The following ZNF432 variants were observed in gnomAD, a reference collection of about 807,000 sequenced individuals.
ZNF432 encodes the protein zinc finger protein 432.
In ZNF432, 10 loss-of-function variants were observed where a neutral mutation model predicts 13.9. The observed-to-expected ratio is 0.72, with a 90% confidence interval of 0.44 to 1.22. The LOEUF (loss-of-function observed/expected upper bound fraction) is 1.22, where lower values mean the gene tolerates loss of function less well. Ranked by LOEUF, ZNF432 falls within the 50% of genes most tolerant of loss-of-function variation. The pLI, the probability that ZNF432 is intolerant of heterozygous loss-of-function variation, is 0.00. For missense variants in ZNF432, 793 were observed against 796.2 expected, an observed-to-expected ratio of 1.00 and a Z score of 0.05; for synonymous variants, 247 against 256.2, an observed-to-expected ratio of 0.96 and a Z score of 0.34.
chr19:52,043,847 TTGTC>T (rs2087157697), intron 2 of ZNF432, among the ~76,000 whole-genome samples: 1 of 152,196 alleles, frequency 6.6e-6, no homozygotes, highest in Admixed American at 6.5e-5. Flanking sequence ...GTTCACGTGT[TTGTC>T]TGCTGACCCT....
intron 4 of ZNF432, 102 bp downstream of exon 4, chr19:52,040,386 C>T: frequency 9.8e-7 from 1 of 1,022,828 alleles, no homozygotes; most frequent in Non-Finnish European, 1.5e-6. Flanking sequence ...GAAAACGATT[C>T]CCATTCCTAA....
At position 52,034,848 on chromosome 19, in the gene ZNF432, A is replaced by G. The variant is rs571333107; in HGVS notation, c.831T>C (p.Ile277=). ...GKVFTMKSRL[I]EHQRTHTGEK... is the part of the protein sequence containing the mutation. The stretch of plus-strand genomic sequence containing the variant: ...CTCCAGTATGAGTTCGCTGATGTTC[A>G]ATCAGACGGCTCTTCATAGTGAAGA... Residue 277 remains isoleucine, a synonymous_variant, in exon 5 of 5, where the codon ATT becomes ATC. Transcript: ENST00000221315. The G allele has an allele frequency of 1.1e-5, 17 of 1,613,728 alleles. No homozygotes were observed. In the African/African-American group the frequency reaches 2.1e-4, roughly 20 times the overall value.
At chr19:52,036,445 A>G (rs1233833893) in intron 4 of ZNF432, among the ~76,000 whole-genome samples, 1 of 152,260 alleles carries the variant, frequency 6.6e-6, no homozygotes, top group Non-Finnish European at 1.5e-5. Context: ...GTGAGGGCTC[A>G]AAGATTACTA....
intron 2 of ZNF432, among the ~76,000 whole-genome samples, chr19:52,042,200 A>G (rs983535047): frequency 6.6e-6 from 1 of 152,206 alleles, no homozygotes; most frequent in Non-Finnish European, 1.5e-5. Flanking sequence ...CTATTAACAG[A>G]AAGGTTATAT....
In ZNF432 at chr19:52,034,305, T is replaced by C. The variant is rs201790893; in HGVS notation, c.1374A>G (p.Thr458=). Residue 458 remains threonine, a synonymous_variant, in exon 5 of 5, where the codon ACA becomes ACG. Coordinates refer to ENST00000221315, the MANE Select transcript of ZNF432 (RefSeq NM_014650.4). ...GGAAGCCTTTCCCACATTCACTGCA[T>C]GTGTAGGGCTTCTCTCCTGTATGAG... ...QRTHTGEKPY[T]CSECGKGFPL... is the part of the protein sequence containing the mutation. 14 of 1,609,304 alleles carry C rather than the reference T, an allele frequency of 8.7e-6. No individual in the cohort carries two copies. Among genetic ancestry groups the C allele is most frequent in the Admixed American group, 6.7e-5 (4 of 59,694 alleles).
chr19:52,039,470 C>T (rs76886341), intron 4 of ZNF432, among the ~76,000 whole-genome samples: 17 of 151,920 alleles, frequency 1.1e-4, no homozygotes, highest in Admixed American at 2.0e-4. Flanking sequence ...TGAAAGAAGC[C>T]GGACACAAAA....
At chr19:52,042,323 C>T (rs1230443785) in intron 2 of ZNF432, among the ~76,000 whole-genome samples, 7 of 151,830 alleles carry the variant, frequency 4.6e-5, no homozygotes, top group African/African-American at 1.5e-4. Context: ...CTGAGGCAGG[C>T]GGATAGCTTG....
At chr19:52,043,640 C>A (rs2087155495) in intron 2 of ZNF432, among the ~76,000 whole-genome samples, 3 of 152,098 alleles carry the variant, frequency 2.0e-5, no homozygotes, top group African/African-American at 7.2e-5. Flanking sequence ...TCCTGCCCGT[C>A]CCTGGGCAAT....
rs2087050353 is a variant in ZNF432 at position 52,034,408 on chromosome 19, G to C, written c.1271C>G (p.Thr424Arg). 3 of 1,613,748 alleles carry C rather than the reference G, an allele frequency of 1.9e-6. No homozygotes were observed. Among genetic ancestry groups the C allele is most frequent in the Non-Finnish European group, 2.5e-6 (3 of 1,179,972 alleles). Residue 424 changes from threonine to arginine, a missense_variant, in exon 5 of 5, where the codon ACA (threonine) becomes AGA (arginine). Physicochemically the swap from Thr to Arg is moderately conservative, Grantham distance 71 (BLOSUM62 -1). Transcript: ENST00000221315. Reference protein sequence around the residue: ...SNLIVHQRNHTVEKSYLCSEC... With the variant: ...SNLIVHQRNHRVEKSYLCSEC... ...ACTACATAGATATGACTTCTCTACT[G>C]TATGATTTCTCTGATGTACAATAAG...
intron 1 of ZNF432, among the ~76,000 whole-genome samples, chr19:52,048,178 C>CAAAAAAAAAAA (rs1446041557): frequency 6.9e-6 from 1 of 143,930 alleles, no homozygotes; most frequent in African/African-American, 2.8e-5. Flanking sequence ...CACACACACA[C>CAAAAAAAAAAA]ACACAAAACC....
intron 2 of ZNF432, 29 bp from the exon 3 acceptor site, chr19:52,041,635 G>A (rs375497926): frequency 3.7e-5 from 59 of 1,613,644 alleles, no homozygotes; most frequent in Non-Finnish European, 4.7e-5. Flanking sequence ...TTGCTTAATA[G>A]GAAGTGTTTC....
Position 52,034,256 on chromosome 19 carries a change from G to GTACA in ZNF432, c.1419_1422dup (p.His475CysfsTer16), listed in dbSNP as rs780084067. ...TTCTCTCCAGTATGAGTTCGCTGAT[G>GTACA]TACAATCAGCCGACTCTTCAAGGGG... On this transcript the variant is annotated frameshift_variant, in exon 5 of 5. Transcript: ENST00000221315. LOFTEE classifies it low-confidence loss of function (END_TRUNC). 5 of 1,614,134 alleles carry GTACA rather than the reference G, an allele frequency of 3.1e-6. No homozygotes were observed. The highest frequency in any genetic ancestry group is 4.2e-6 in the Non-Finnish European group (5 of 1,180,000).
chr19:52,048,182 C>CAAAAAAAA (rs910956223), intron 1 of ZNF432, among the ~76,000 whole-genome samples: 7 of 146,216 alleles, frequency 4.8e-5, no homozygotes, highest in African/African-American at 1.8e-4. Context: ...CACACACACA[C>CAAAAAAAA]AAAACCAGCC....
At chr19:52,044,351 G>A (rs191134745) in intron 2 of ZNF432, among the ~76,000 whole-genome samples, 4 of 150,816 alleles carry the variant, frequency 2.7e-5, no homozygotes, top group Admixed American at 1.3e-4. Context: ...AAGCAAATAC[G>A]AAATATATTC....
Position 52,034,219 on chromosome 19 carries a change from C to A in ZNF432, c.1460G>T (p.Cys487Phe). The A allele has an allele frequency of 6.2e-7, 1 of 1,614,154 alleles. No individual in the cohort carries two copies. The highest frequency in any genetic ancestry group is 8.5e-7 in the Non-Finnish European group (1 of 1,180,006). ...RTHTGEKPYR[C>F]SECGKGFIVN... is the part of the protein sequence containing the mutation. Reference sequence around the variant, plus strand: ...AATGAAACCTTTCCCACATTCACTGCACCTGTAAGGTTTCTCTCCAGTATG... The same window carrying A: ...AATGAAACCTTTCCCACATTCACTGAACCTGTAAGGTTTCTCTCCAGTATG... Residue 487 changes from cysteine to phenylalanine, a missense_variant, in exon 5 of 5, where the codon TGC (cysteine) becomes TTC (phenylalanine). Coordinates refer to ENST00000221315, the MANE Select transcript of ZNF432 (RefSeq NM_014650.4).
At chr19:52,036,324 A>C (rs2087080343) in intron 4 of ZNF432, among the ~76,000 whole-genome samples, 1 of 152,240 alleles carries the variant, frequency 6.6e-6, no homozygotes, top group Non-Finnish European at 1.5e-5. Flanking sequence ...GGTGATGTTA[A>C]GTGTGGTTTG....
At position 52,033,705 on chromosome 19, in the gene ZNF432, A is replaced by G. The variant is rs1262241430; in HGVS notation, c.*15T>C. 6.4e-7 allele frequency: 1 copy of G among 1,555,700 alleles called. No homozygotes were observed. The highest frequency in any genetic ancestry group is 2.2e-5 in the East Asian group (1 of 44,554). On this transcript the variant is annotated 3_prime_UTR_variant, in exon 5 of 5. Transcript: ENST00000221315. ...AGATTTTCTTCCCAAAGGCATGAACATGTCCACTGCATTGTCAGGGTTTGT... is the reference window on the plus strand; with the variant it reads ...AGATTTTCTTCCCAAAGGCATGAACGTGTCCACTGCATTGTCAGGGTTTGT...
At position 52,034,469 on chromosome 19, in the gene ZNF432, T is replaced by C; in HGVS notation, c.1210A>G (p.Ser404Gly). ...THTGEKPYIC[S>G]ECGKGFPRKS... is the part of the protein sequence containing the mutation. ...CTGGGAAAGCCTTTTCCACATTCAC[T>C]GCATATGTAGGGTTTCTCTCCTGTA... The change falls in exon 5 of 5, where the codon AGT becomes GGT. Residue 404 changes from serine to glycine, a missense_variant. By Grantham distance (56) the Ser-to-Gly change is moderately conservative. Transcript: ENST00000221315. The C allele has an allele frequency of 6.2e-7, 1 of 1,614,128 alleles. No individual in the cohort carries two copies. The highest frequency in any genetic ancestry group is 1.7e-5 in the Admixed American group (1 of 60,024).
chr19:52,042,988 T>C (rs887653433), intron 2 of ZNF432, among the ~76,000 whole-genome samples: 1 of 152,110 alleles, frequency 6.6e-6, no homozygotes, highest in Non-Finnish European at 1.5e-5. Context: ...AATTGGCAAA[T>C]TGTATGGTAT....
Sources: gnomAD v4.1 joint callset for allele counts (sites outside exome capture counted in the v4.1 genomes callset) on GRCh38, gnomAD v4.1.1 for gene constraint, MANE v1.5 for transcripts, NCBI Gene and HGNC (gene_info 2026-07-23, HGNC 2026-07-21) for gene names.